Variants in ATP11C observed in about 807,000 individuals in gnomAD.
ATP11C encodes the protein ATPase phospholipid transporting 11C (ATP11C blood group).
A neutral mutation model predicts 97.4 loss-of-function variants in ATP11C; 36 were observed. That is an observed-to-expected ratio of 0.37 (90% confidence interval 0.28 to 0.49). The LOEUF (loss-of-function observed/expected upper bound fraction) is 0.49, where lower values mean the gene tolerates loss of function less well. Among genes scored for constraint, ATP11C ranks in the 20% least tolerant of loss-of-function variants. The probability of loss-of-function intolerance (pLI) is 0.98; values close to 1 mark genes in which losing one functional copy is unlikely to be tolerated. For synonymous variants in ATP11C, 275 were observed against 290.9 expected (o/e 0.95, Z 0.56); for missense variants, 730 against 824.6 (o/e 0.89, Z 1.40).
At chrX:139,734,350 TG>T (rs1368141977) in intron 28 of ATP11C, among the ~76,000 whole-genome samples, 63 of 111,606 alleles carry the variant, frequency 5.6e-4, no homozygotes, top group African/African-American at 2.0e-3. Flanking sequence ...TATTTCTTCC[TG>T]TTTGTGCTGA....
chrX:139,800,391 C>T (rs1028781363), intron 7 of ATP11C, among the ~76,000 whole-genome samples: 2 of 112,212 alleles, frequency 1.8e-5, no homozygotes, highest in Non-Finnish European at 3.8e-5. Flanking sequence ...CATGCATGCA[C>T]ACAACACCTC....
At chrX:139,809,097 AGTGAGACTCTT>A (rs1250946451) in intron 5 of ATP11C, among the ~76,000 whole-genome samples, 1 of 108,399 alleles carries the variant, frequency 9.2e-6, no homozygotes, top group East Asian at 2.9e-4. Context: ...TGGGTGACAG[AGTGAGACTCTT>A]GTCTTAAAAA....
intron 2 of ATP11C, among the ~76,000 whole-genome samples, chrX:139,819,900 G>C (rs1029240187): frequency 3.6e-5 from 4 of 112,040 alleles, no homozygotes; most frequent in African/African-American, 1.3e-4. Context: ...TAAATTATTT[G>C]GATGGCCAGG....
chrX:139,922,915 G>A (rs79771810), intron 1 of ATP11C, among the ~76,000 whole-genome samples: 5,577 of 110,815 alleles, frequency 0.05, 240 homozygotes, highest in East Asian at 0.3. Context: ...AGCCTCCCGA[G>A]TAGCTGGGAT....
chrX:139,808,424 G>C (rs1336062551), intron 5 of ATP11C, among the ~76,000 whole-genome samples: 1 of 111,207 alleles, frequency 9.0e-6, no homozygotes, highest in Admixed American at 9.5e-5. Flanking sequence ...AAAAAATGTA[G>C]GTATATCATA....
chrX:139,920,737 A>G (rs1370435970), intron 1 of ATP11C, among the ~76,000 whole-genome samples: 2 of 112,565 alleles, frequency 1.8e-5, no homozygotes, highest in Admixed American at 1.9e-4. Context: ...CAATACCAGC[A>G]AAGTATTTAA....
At chrX:139,730,518 G>T (rs1326676048) in intron 29 of ATP11C, among the ~76,000 whole-genome samples, 1 of 111,435 alleles carries the variant, frequency 9.0e-6, no homozygotes, top group East Asian at 2.8e-4. Flanking sequence ...AGACTGCGAT[G>T]AACTCCAGGA....
At chrX:139,875,185 T>C (rs1367355834) in intron 1 of ATP11C, among the ~76,000 whole-genome samples, 3 of 111,297 alleles carry the variant, frequency 2.7e-5, no homozygotes, top group Non-Finnish European at 5.6e-5. Context: ...ATCTGGCCAC[T>C]AAAGTTCTTT....
rs7062274 is a variant in ATP11C at position 139,877,535 on chromosome X, G to T, written c.28-50712C>A. Among the ~76,000 whole-genome samples the T allele has an allele frequency of 4.5e-3, 502 of 111,351 alleles. 5 individuals carry two copies. The highest frequency in any genetic ancestry group is 0.015 in the African/African-American group (454 of 30,612). On this transcript the variant is annotated intron_variant, in intron 1 of 29. Coordinates refer to ENST00000682941, the MANE Select transcript of ATP11C (RefSeq NM_001353812.2). ...CACAAGATATACACACCTAGTATCA[G>T]TAGAGCTGGACAGGGCCTTGCACAG...
chrX:139,751,776 C>T (rs192315523), intron 23 of ATP11C, among the ~76,000 whole-genome samples: 2,015 of 104,599 alleles, frequency 0.019, 19 homozygotes, highest in Non-Finnish European at 0.03. Context: ...TACAATGTTT[C>T]CTTTTCATTA....
At chrX:139,755,121 A>G (rs73579537) in intron 23 of ATP11C, among the ~76,000 whole-genome samples, 2 of 112,195 alleles carry the variant, frequency 1.8e-5, no homozygotes, top group African/African-American at 6.5e-5. Context: ...CCTTGACCTG[A>G]TAACTTCAGC....
At chrX:139,741,777 G>C (rs2081561147) in intron 26 of ATP11C, among the ~76,000 whole-genome samples, 1 of 111,432 alleles carries the variant, frequency 9.0e-6, no homozygotes, top group Non-Finnish European at 1.9e-5. Context: ...GGTATCTGGG[G>C]TTTTCAAATG....
At chrX:139,876,134 A>T (rs941283827) in intron 1 of ATP11C, among the ~76,000 whole-genome samples, 7 of 111,653 alleles carry the variant, frequency 6.3e-5, no homozygotes, top group Non-Finnish European at 1.3e-4. Context: ...GTAGTCTGGG[A>T]AAAGAAACAA....
intron 7 of ATP11C, 68 bp downstream of exon 7, chrX:139,802,168 T>C: frequency 1.2e-6 from 1 of 808,304 alleles, no homozygotes; most frequent in Non-Finnish European, 1.9e-6. Context: ...GTGTTTCTTT[T>C]GCAATACTAT....
At chrX:139,909,129 A>ATTTTG (rs1307391847) in intron 1 of ATP11C, among the ~76,000 whole-genome samples, 1 of 110,193 alleles carries the variant, frequency 9.1e-6, no homozygotes, top group South Asian at 3.9e-4. Context: ...GGTTTTTTTT[A>ATTTTG]TTTTGTTTTG....
chrX:139,755,840 G>A (rs1335611691), intron 23 of ATP11C, among the ~76,000 whole-genome samples: 1 of 112,197 alleles, frequency 8.9e-6, no homozygotes, highest in African/African-American at 3.2e-5. Context: ...ATGGATTAAA[G>A]ACTTAAATGT....
At position 139,851,088 on chromosome X, in the gene ATP11C, C is replaced by T. The variant is rs949922662; in HGVS notation, c.28-24265G>A. ...TCACCAAGACAATGGAGGAAGACCCCAAAGGCATTTCAGAGATCTTTGAGG... is the reference window on the plus strand; with the variant it reads ...TCACCAAGACAATGGAGGAAGACCCTAAAGGCATTTCAGAGATCTTTGAGG... On this transcript the variant is annotated intron_variant, in intron 1 of 29. Transcript: ENST00000682941. Among the ~76,000 whole-genome samples, 3 of 111,433 alleles carry T rather than the reference C, an allele frequency of 2.7e-5. No homozygotes were observed. The Admixed American group carries it at 2.8e-4, about 11-fold the overall frequency.
At chrX:139,759,765 G>A (rs2082002257) in intron 22 of ATP11C, among the ~76,000 whole-genome samples, 1 of 111,850 alleles carries the variant, frequency 8.9e-6, no homozygotes, top group Admixed American at 9.5e-5. Flanking sequence ...ATGATAATGG[G>A]CCTAGAGATA....
intron 23 of ATP11C, among the ~76,000 whole-genome samples, chrX:139,750,713 T>A (rs909372385): frequency 4.5e-5 from 5 of 111,667 alleles, no homozygotes; most frequent in African/African-American, 1.6e-4. Context: ...CAACTACAAG[T>A]GTGTTCATGG....
Sources: gnomAD v4.1 joint callset for allele counts (sites outside exome capture counted in the v4.1 genomes callset) on GRCh38, gnomAD v4.1.1 for gene constraint, MANE v1.5 for transcripts, NCBI Gene and HGNC (gene_info 2026-07-23, HGNC 2026-07-21) for gene names.